The following ACSM1 variants were observed in gnomAD, a reference collection of about 807,000 sequenced individuals.
The protein encoded by ACSM1 is acyl-coenzyme A synthetase ACSM1, mitochondrial.
ACSM1 carries 79 observed loss-of-function variants against 75.8 expected under a neutral mutation model. The observed-to-expected ratio is 1.04, with a 90% CI of 0.87 to 1.26. ACSM1 has a LOEUF of 1.26. Among genes scored for constraint, ACSM1 ranks in the 50% most tolerant of loss-of-function variants. The pLI, the probability that ACSM1 is intolerant of heterozygous loss-of-function variation, is 0.00. For synonymous variants in ACSM1, 279 were observed against 265.8 expected (o/e 1.05, Z -0.48); for missense variants, 676 against 720.1 (o/e 0.94, Z 0.70).
intron 7 of ACSM1, among the ~76,000 whole-genome samples, chr16:20,647,278 G>T (rs1188804656): frequency 6.6e-6 from 1 of 152,170 alleles, no homozygotes; most frequent in Non-Finnish European, 1.5e-5. Context: ...CCTTGGACCG[G>T]GTTCGCCCAG....
intron 4 of ACSM1, 142 bp from the exon 5 acceptor site, chr16:20,671,813 C>G (rs1265677204): frequency 1.1e-6 from 1 of 876,692 alleles, no homozygotes; most frequent in East Asian, 2.8e-5. Flanking sequence ...CGGAGTTAGG[C>G]ATCACACTGA....
chr16:20,630,631 A>G (rs2152195360), intron 10 of ACSM1, among the ~76,000 whole-genome samples: 1 of 152,336 alleles, frequency 6.6e-6, no homozygotes, highest in South Asian at 2.1e-4. Flanking sequence ...GAGAAGATCA[A>G]TAAGAAAATG....
chr16:20,663,237 C>A (rs1179873461), intron 6 of ACSM1, among the ~76,000 whole-genome samples: 1 of 152,168 alleles, frequency 6.6e-6, no homozygotes, highest in Non-Finnish European at 1.5e-5. Flanking sequence ...GAGCATATTA[C>A]ATATGCATCA....
chr16:20,671,485 T>G, intron 5 of ACSM1, 46 bp downstream of exon 5: 1 of 1,528,604 alleles, frequency 6.5e-7, no homozygotes. Flanking sequence ...ACACAAACTT[T>G]GCCCACATCT....
chr16:20,688,955 A>G lies in ACSM1; in HGVS notation c.192+2042T>C, dbSNP rs570889117. ...AAATCATAAAAATAATTATAAATAT[A>G]TGTTAACTTATTAACATATATTTAA... On this transcript the variant is annotated intron_variant, in intron 2 of 13. Transcript: ENST00000520010. Among the ~76,000 whole-genome samples, 153 of 148,884 alleles carry G rather than the reference A, an allele frequency of 1.0e-3. No homozygotes were observed. In the Middle Eastern group the frequency reaches 0.011, roughly 10 times the overall value.
intron 7 of ACSM1, among the ~76,000 whole-genome samples, chr16:20,653,290 A>C (rs968873451): frequency 1.3e-5 from 2 of 152,120 alleles, no homozygotes; most frequent in African/African-American, 2.4e-5. Context: ...AACCCACAGC[A>C]AATATCATAC....
At chr16:20,640,150 T>C (rs1173880751) in intron 8 of ACSM1, among the ~76,000 whole-genome samples, 7 of 152,208 alleles carry the variant, frequency 4.6e-5, no homozygotes, top group Non-Finnish European at 1.5e-5. Context: ...GTTTATCTTA[T>C]GTAAAAATGC....
chr16:20,651,497 CA>C (rs911600196), intron 7 of ACSM1, among the ~76,000 whole-genome samples: 43 of 152,098 alleles, frequency 2.8e-4, no homozygotes, highest in Non-Finnish European at 5.6e-4. Flanking sequence ...GGCATGGTGG[CA>C]CATGCCTGCA....
chr16:20,635,334 A>C (rs993878627), intron 10 of ACSM1, among the ~76,000 whole-genome samples: 1 of 152,200 alleles, frequency 6.6e-6, no homozygotes, highest in African/African-American at 2.4e-5. Context: ...GGTCCAGGAT[A>C]CAGTGAACTT....
intron 11 of ACSM1, among the ~76,000 whole-genome samples, chr16:20,626,269 C>CGG (rs2016917658): frequency 6.6e-6 from 1 of 151,862 alleles, no homozygotes; most frequent in Non-Finnish European, 1.5e-5. Context: ...AGCCAGGAAG[C>CGG]AGAGCTTGCA....
In ACSM1 at chr16:20,691,018, G is replaced by A. The variant is rs2079643526; in HGVS notation, c.171C>T (p.Asp57=). The A allele has an allele frequency of 6.2e-7, 1 of 1,612,948 alleles. No individual in the cohort carries two copies. The highest frequency in any genetic ancestry group is 1.3e-5 in the African/African-American group (1 of 74,880). The change falls in exon 2 of 14, where the codon GAC becomes GAT. Residue 57 remains aspartate (D), a synonymous_variant. Transcript: ENST00000520010. ...TTACCTTCTCCTTTTGAGCCCAGTA[G>A]TCCAGTACATAACTTGCAAAGTTAA... ...EEFNFASYVL[D]YWAQKEKEGK...
At chr16:20,645,742 G>A (rs925037644) in intron 7 of ACSM1, among the ~76,000 whole-genome samples, 12 of 152,148 alleles carry the variant, frequency 7.9e-5, no homozygotes, top group Non-Finnish European at 1.3e-4. Flanking sequence ...TCATTGGGAC[G>A]CAGAATCAGA....
intron 7 of ACSM1, among the ~76,000 whole-genome samples, chr16:20,641,251 A>T (rs1052856982): frequency 1.3e-5 from 2 of 152,248 alleles, no homozygotes; most frequent in Non-Finnish European, 2.9e-5. Flanking sequence ...AATGGCTGCC[A>T]TTTGGCTAGC....
chr16:20,631,491 C>T (rs1389140996), intron 10 of ACSM1, among the ~76,000 whole-genome samples: 1 of 152,120 alleles, frequency 6.6e-6, no homozygotes, highest in Admixed American at 6.5e-5. Context: ...GTAGAACTAC[C>T]ATTCGATCCA....
intron 1 of ACSM1, among the ~76,000 whole-genome samples, chr16:20,696,536 C>T (rs8047205): frequency 0.62 from 94,013 of 152,110 alleles, 30,198 homozygotes; most frequent in Non-Finnish European, 0.72. Flanking sequence ...CAAGTATTTA[C>T]TATAGATGTA....
chr16:20,640,304 A>G (rs917502584), intron 8 of ACSM1, among the ~76,000 whole-genome samples, 157 bp downstream of exon 8: 5 of 152,172 alleles, frequency 3.3e-5, no homozygotes, highest in African/African-American at 1.2e-4. Context: ...TTTTTCCCCA[A>G]TATCTGCCTT....
rs150629093 is a variant in ACSM1 at position 20,627,289 on chromosome 16, C to T, written c.1327G>A (p.Glu443Lys). 4 of 1,582,768 alleles carry T rather than the reference C, an allele frequency of 2.5e-6. No homozygotes were observed. The African/African-American group carries it at 4.1e-5, about 16-fold the overall frequency. The change falls in exon 11 of 14, where the codon GAA (glutamate) becomes AAA (lysine). Residue 443 changes from glutamate to lysine, a missense_variant. Glu to Lys is a moderately conservative substitution (Grantham distance 56, BLOSUM62 1). Coordinates refer to ENST00000520010, the MANE Select transcript of ACSM1 (RefSeq NM_001318890.3). ...EGDPEKTAKV[E>K]CGDFYNTGDR... ...CCAGTGTTGTAGAAGTCCCCACATT[C>T]CACTTTAGCTGTCTTCTCTGGGTCA...
rs71149170 is a variant in ACSM1, at chr16:20,669,441, AACACACACACACAC to A, written c.912+372_912+385del. Among the ~76,000 whole-genome samples, 25 of 141,362 alleles carry A rather than the reference AACACACACACACAC, an allele frequency of 1.8e-4. No individual in the cohort carries two copies. In the East Asian group the frequency reaches 2.3e-3, roughly 13 times the overall value. The allele number at this position is 141,362 out of a possible 152,430, so 92.7% of individuals were successfully genotyped here. Reference sequence around the variant, plus strand: ...AACATTTTATCATATTGAGTAAGAAAACACACACACACACACACACACACACACACACACACACA... The same window carrying A: ...AACATTTTATCATATTGAGTAAGAAAACACACACACACACACACACACACA... On this transcript the variant is annotated intron_variant, in intron 6 of 13. Coordinates refer to ENST00000520010, the MANE Select transcript of ACSM1 (RefSeq NM_001318890.3).
chr16:20,662,683 T>C (rs531365137), intron 6 of ACSM1, among the ~76,000 whole-genome samples: 3 of 152,320 alleles, frequency 2.0e-5, no homozygotes, highest in African/African-American at 7.2e-5. Context: ...TGATGAAATA[T>C]AATTGTCATT....
Sources: allele counts gnomAD v4.1 joint callset (sites outside exome capture counted in the v4.1 genomes callset), GRCh38; gene constraint gnomAD v4.1.1; transcripts MANE v1.5; gene names NCBI Gene and HGNC (gene_info 2026-07-23, HGNC 2026-07-21).